HOXA6: variants seen among roughly 807,000 people sequenced by gnomAD.
HOXA6 encodes the protein homeobox protein Hox-A6.
A neutral mutation model predicts 23.2 loss-of-function variants in HOXA6; 19 were observed. The observed-to-expected ratio is 0.82, with a 90% CI of 0.57 to 1.20. The LOEUF (loss-of-function observed/expected upper bound fraction) is 1.20, where lower values mean the gene tolerates loss of function less well. Ranked by LOEUF, HOXA6 falls within the 50% of genes most tolerant of loss-of-function variation. The pLI is 0.00. For synonymous variants in HOXA6, 140 were observed against 132.6 expected, an observed-to-expected ratio of 1.06 and a Z score of -0.38; for missense variants, 346 against 313.6, an observed-to-expected ratio of 1.10 and a Z score of -0.78.
Position 27,145,463 on chromosome 7 carries a change from T to C in HOXA6, c.*195A>G, listed in dbSNP as rs544946409. The C allele has an allele frequency of 1.2e-5, 8 of 671,322 alleles. No individual in the cohort carries two copies. The highest frequency in any genetic ancestry group is 7.6e-5 in the South Asian group (4 of 52,540). 41.6% of individuals were successfully genotyped at this position (671,322 alleles called of 1,614,324 possible). A position where few individuals can be genotyped will look rare whatever the true frequency, so the allele number is the denominator to read the frequency against. On this transcript the variant is annotated 3_prime_UTR_variant, in exon 2 of 2. Coordinates refer to ENST00000222728, the MANE Select transcript of HOXA6 (RefSeq NM_024014.4). ...GTGTGTGAGGTTTTGTTTTGTTTTG[T>C]TTTGTTTTGTTTTGTTTTGTTTTGT...
chr7:27,145,836 T>C lies in HOXA6; in HGVS notation c.524A>G (p.His175Arg). 6.2e-7 allele frequency: 1 copy of C among 1,614,224 alleles called. No homozygotes were observed. The highest frequency in any genetic ancestry group is 1.1e-5 in the South Asian group (1 of 91,086). The change falls in exon 2 of 2, where the codon CAC (histidine) becomes CGC (arginine). Residue 175 changes from histidine (H) to arginine (R), a missense_variant. By Grantham distance (29) the His-to-Arg change is conservative (BLOSUM62 0). Coordinates refer to ENST00000222728, the MANE Select transcript of HOXA6 (RefSeq NM_024014.4). ...GCGCCGTGTCAGGTAGCGGTTGAAG[T>C]GGAACTCCTTCTCCAGCTCCAGTGT... ...YQTLELEKEFHFNRYLTRRRR... is the reference protein window; with the variant it reads ...YQTLELEKEFRFNRYLTRRRR...
Position 27,145,908 on chromosome 7 carries a change from T to C in HOXA6, c.452A>G (p.Tyr151Cys), listed in dbSNP as rs1213343350. The change falls in exon 2 of 2, where the codon TAT becomes TGT. Residue 151 changes from tyrosine (Y) to cysteine (C), a missense_variant. Physicochemically the swap from Tyr to Cys is radical, Grantham distance 194. Transcript: ENST00000222728. ...QRMNSCAGAVYGSHGRRGRQT... is the reference protein window; with the variant it reads ...QRMNSCAGAVCGSHGRRGRQT... Reference sequence around the variant, plus strand: ...GCGGCCTCGGCGCCCATGGCTCCCATACACAGCACCTACGAGCAGAAACGG... The same window carrying C: ...GCGGCCTCGGCGCCCATGGCTCCCACACACAGCACCTACGAGCAGAAACGG... The C allele has an allele frequency of 1.9e-6, 3 of 1,613,468 alleles. No homozygotes were observed. Among genetic ancestry groups the C allele is most frequent in the East Asian group, 2.2e-5 (1 of 44,846 alleles).
chr7:27,146,757 A>C (rs752737596), intron 1 of HOXA6, among the ~76,000 whole-genome samples: 1 of 152,126 alleles, frequency 6.6e-6, no homozygotes, highest in Non-Finnish European at 1.5e-5. Context: ...AAGAGTGGGC[A>C]GTTGAGTAGA....
chr7:27,145,936 G>C lies in HOXA6; in HGVS notation c.443-19C>G. 6.2e-7 allele frequency: 1 copy of C among 1,606,342 alleles called. No homozygotes were observed. The highest frequency in any genetic ancestry group is 8.5e-7 in the Non-Finnish European group (1 of 1,176,986). The stretch of plus-strand genomic sequence containing the variant: ...ACAGCACCTACGAGCAGAAACGGCC[G>C]GGCGCCGGTAAGCCAGGGCCTGGAG... On this transcript the variant is annotated intron_variant, in intron 1 of 1. Coordinates refer to ENST00000222728, the MANE Select transcript of HOXA6 (RefSeq NM_024014.4).
Position 27,145,772 on chromosome 7 carries a change from C to T in HOXA6, c.588G>A (p.Glu196=). 6.2e-7 allele frequency: 1 copy of T among 1,614,232 alleles called. No individual in the cohort carries two copies. The highest frequency in any genetic ancestry group is 8.5e-7 in the Non-Finnish European group (1 of 1,180,044). ...TCTGGAACCAGATCTTGATCTGGCGCTCGGTGAGGCAGAGCGCGTTGGCGA... is the reference window on the plus strand; with the variant it reads ...TCTGGAACCAGATCTTGATCTGGCGTTCGGTGAGGCAGAGCGCGTTGGCGA... ...IEIANALCLT[E]RQIKIWFQNR... Residue 196 remains glutamate (E), a synonymous_variant, in exon 2 of 2, where the codon GAG becomes GAA. Transcript: ENST00000222728.
intron 1 of HOXA6, 173 bp downstream of exon 1, chr7:27,147,135 G>T: frequency 1.5e-6 from 1 of 681,636 alleles, no homozygotes. Context: ...GCCATGGCCT[G>T]ATAGCCCCAT....
rs1782812627 is a variant in HOXA6 at position 27,147,487 on chromosome 7, G to A, written c.263C>T (p.Ala88Val). Residue 88 changes from alanine (A) to valine (V), a missense_variant, in exon 1 of 2, where the codon GCC becomes GTC. Ala to Val is a moderately conservative substitution (Grantham distance 64). Transcript: ENST00000222728. ...CFYSDKDLSGASPSGSGKQRG... is the reference protein window; with the variant it reads ...CFYSDKDLSGVSPSGSGKQRG... The stretch of plus-strand genomic sequence containing the variant: ...CTGCTTGCCACTGCCCGAGGGCGAG[G>A]CGCCACTGAGGTCCTTATCAGAATA... 6.2e-7 allele frequency: 1 copy of A among 1,614,102 alleles called. No individual in the cohort carries two copies. Among genetic ancestry groups the A allele is most frequent in the South Asian group, 1.1e-5 (1 of 91,082 alleles).
rs1240583792 is a variant in HOXA6, at chr7:27,147,705, G to T, written c.45C>A (p.Pro15=). 1 of 1,612,612 alleles carries T rather than the reference G, an allele frequency of 6.2e-7. No individual in the cohort carries two copies. Among genetic ancestry groups the T allele is most frequent in the Admixed American group, 1.7e-5 (1 of 59,988 alleles). ...FVNPTFPGSL[P]SGQDSFLGQL... ...GGCCCAAGAAGGAGTCCTGGCCGCT[G>T]GGAAGGCTCCCGGGGAAAGTGGGAT... The change falls in exon 1 of 2, where the codon CCC becomes CCA. Residue 15 remains proline, a synonymous_variant. Coordinates refer to ENST00000222728, the MANE Select transcript of HOXA6 (RefSeq NM_024014.4).
Position 27,147,677 on chromosome 7 carries a change from G to T in HOXA6, c.73C>A (p.Leu25Met). 1 of 1,614,008 alleles carries T rather than the reference G, an allele frequency of 6.2e-7. No homozygotes were observed. Among genetic ancestry groups the T allele is most frequent in the Non-Finnish European group, 8.5e-7 (1 of 1,180,038 alleles). The stretch of plus-strand genomic sequence containing the variant: ...TCATAGCCAGCCTGGTAGAGGGGCA[G>T]CTGGCCCAAGAAGGAGTCCTGGCCG... Reference protein sequence around the residue: ...PSGQDSFLGQLPLYQAGYDAL... With the variant: ...PSGQDSFLGQMPLYQAGYDAL... Residue 25 changes from leucine (L) to methionine (M), a missense_variant, in exon 1 of 2, where the codon CTG becomes ATG. Transcript: ENST00000222728.
chr7:27,145,645 C>A lies in HOXA6; in HGVS notation c.*13G>T. On this transcript the variant is annotated 3_prime_UTR_variant, in exon 2 of 2. Coordinates refer to ENST00000222728, the MANE Select transcript of HOXA6 (RefSeq NM_024014.4). ...AGGAGGTTGCAGCGCTGGCCTGGTC[C>A]CTGCCCAGGCATCTACTCGCCCGCC... is the stretch of plus-strand genomic sequence containing the variant. The A allele has an allele frequency of 6.2e-7, 1 of 1,610,554 alleles. No individual in the cohort carries two copies. The highest frequency in any genetic ancestry group is 1.1e-5 in the South Asian group (1 of 90,828).
intron 1 of HOXA6, among the ~76,000 whole-genome samples, chr7:27,146,986 G>A (rs1387444445): frequency 6.6e-6 from 1 of 152,122 alleles, no homozygotes; most frequent in African/African-American, 2.4e-5. Context: ...TACTCAGGGT[G>A]CATGGACAGG....
intron 1 of HOXA6, 180 bp downstream of exon 1, chr7:27,147,128 A>G: frequency 1.5e-6 from 1 of 660,852 alleles, no homozygotes; most frequent in South Asian, 2.0e-5. Flanking sequence ...TTCCTCTGCC[A>G]TGGCCTGATA....
chr7:27,145,661 C>G lies in HOXA6; in HGVS notation c.699G>C (p.Glu233Asp), dbSNP rs62454417. Residue 233 changes from glutamate (E) to aspartate (D), a missense_variant, in exon 2 of 2, where the codon GAG (glutamate) becomes GAC (aspartate). Physicochemically the swap from Glu to Asp is conservative, Grantham distance 45 (BLOSUM62 2). Transcript: ENST00000222728. ...SGEDSEAKAG[E>D] is the part of the protein sequence containing the mutation. Reference sequence around the variant, plus strand: ...GGCCTGGTCCCTGCCCAGGCATCTACTCGCCCGCCTTTGCCTCTGAGTCCT... The same window carrying G: ...GGCCTGGTCCCTGCCCAGGCATCTAGTCGCCCGCCTTTGCCTCTGAGTCCT... 1.4e-5 allele frequency: 23 copies of G among 1,612,762 alleles called. No homozygotes were observed. Among genetic ancestry groups the G allele is most frequent in the South Asian group, 4.4e-5 (4 of 91,042 alleles).
At position 27,145,744 on chromosome 7, in the gene HOXA6, G is replaced by C. The variant is rs772034382; in HGVS notation, c.616C>G (p.Arg206Gly). ...ERQIKIWFQN[R>G]RMKWKKENKL... ...TTTTCCTTTTTCCACTTCATGCGGC[G>C]GTTCTGGAACCAGATCTTGATCTGG... Residue 206 changes from arginine to glycine, a missense_variant, in exon 2 of 2, where the codon CGC becomes GGC. Coordinates refer to ENST00000222728, the MANE Select transcript of HOXA6 (RefSeq NM_024014.4). 10 of 1,614,090 alleles carry C rather than the reference G, an allele frequency of 6.2e-6. No individual in the cohort carries two copies. The Admixed American group carries it at 1.0e-4, about 16-fold the overall frequency.
intron 1 of HOXA6, among the ~76,000 whole-genome samples, chr7:27,146,803 C>T (rs563308464): frequency 6.6e-6 from 1 of 152,244 alleles, no homozygotes; most frequent in South Asian, 2.1e-4. Context: ...AGAAAAAAAT[C>T]CTGAGTCTGG....
chr7:27,146,251 TTG>T (rs10685970), intron 1 of HOXA6, among the ~76,000 whole-genome samples: 37,954 of 148,960 alleles, frequency 0.25, 4,742 homozygotes, highest in Admixed American at 0.28. Flanking sequence ...GTGTGTGTGT[TTG>T]TGTGTGTGTG....
At position 27,147,398 on chromosome 7, in the gene HOXA6, C is replaced by T. The variant is rs771813425; in HGVS notation, c.352G>A (p.Gly118Arg). The T allele has an allele frequency of 6.2e-6, 10 of 1,614,186 alleles. No individual in the cohort carries two copies. The highest frequency in any genetic ancestry group is 3.3e-4 in the Middle Eastern group (2 of 6,062). ...EQQYKPDSSS[G>R]QGKALHDEGA... ...TCGTCATGGAGTGCTTTGCCCTGCCCGCTGCTGCTGTCGGGTTTGTACTGC... is the reference window on the plus strand; with the variant it reads ...TCGTCATGGAGTGCTTTGCCCTGCCTGCTGCTGCTGTCGGGTTTGTACTGC... Residue 118 changes from glycine (G) to arginine (R), a missense_variant, in exon 1 of 2, where the codon GGG becomes AGG. Coordinates refer to ENST00000222728, the MANE Select transcript of HOXA6 (RefSeq NM_024014.4).
intron 1 of HOXA6, among the ~76,000 whole-genome samples, chr7:27,146,975 G>A (rs917175596): frequency 6.6e-6 from 1 of 152,126 alleles, no homozygotes. Context: ...GCTGAGCAGG[G>A]TACTCAGGGT....
chr7:27,145,824 TAGCGGTTGA>T lies in HOXA6; in HGVS notation c.527_535del (p.Phe176_Arg178del), dbSNP rs1235616677. ...CTCGATGCGGCGGCGCCGTGTCAGG[TAGCGGTTGA>T]AGTGGAACTCCTTCTCCAGCTCCAG... On this transcript the variant is annotated inframe_deletion, in exon 2 of 2. Transcript: ENST00000222728. 6.2e-7 allele frequency: 1 copy of T among 1,614,118 alleles called. No individual in the cohort carries two copies. Among genetic ancestry groups the T allele is most frequent in the Non-Finnish European group, 8.5e-7 (1 of 1,180,048 alleles).
Sources: allele counts gnomAD v4.1 joint callset (sites outside exome capture counted in the v4.1 genomes callset), GRCh38; gene constraint gnomAD v4.1.1; transcripts MANE v1.5; gene names NCBI Gene and HGNC (gene_info 2026-07-23, HGNC 2026-07-21).